VPS13B: variants seen among roughly 807,000 people sequenced by gnomAD.
VPS13B encodes the protein vacuolar protein sorting 13 homolog B.
VPS13B carries 285 observed loss-of-function variants against 426.4 expected under a neutral mutation model. That is an observed-to-expected ratio of 0.67 (90% CI 0.61 to 0.74). The LOEUF (loss-of-function observed/expected upper bound fraction) is 0.74. Ranked by LOEUF, VPS13B falls within the 30% of genes least tolerant of loss-of-function variation. The pLI is 0.00. For synonymous variants in VPS13B, 1,676 were observed against 1,676.4 expected, an observed-to-expected ratio of 1.00 and a Z score of 0.01; for missense variants, 4,537 against 4,782.6, an observed-to-expected ratio of 0.95 and a Z score of 1.51.
intron 22 of VPS13B, among the ~76,000 whole-genome samples, chr8:99,432,583 C>G (rs1331215382): frequency 6.6e-6 from 1 of 152,124 alleles, no homozygotes; most frequent in Non-Finnish European, 1.5e-5. Flanking sequence ...TAGCTAAGTA[C>G]CTAGTAGTCA....
At chr8:99,313,423 T>C (rs909545767) in intron 19 of VPS13B, among the ~76,000 whole-genome samples, 1 of 152,210 alleles carries the variant, frequency 6.6e-6, no homozygotes, top group Non-Finnish European at 1.5e-5. Flanking sequence ...TGGAGTTTTC[T>C]GGAGGTCCAC....
rs1459766095 is a variant in VPS13B, at chr8:99,820,269, A to C, written c.8994+147A>C. ...TGTAAGAGGTATGGAATGTTCTTTG[A>C]TATTCAAGGACTTTTCTGATGTCTT... On this transcript the variant is annotated intron_variant, in intron 49 of 61. Coordinates refer to ENST00000357162, the MANE Select transcript of VPS13B (RefSeq NM_152564.5). The C allele has an allele frequency of 4.0e-6, 3 of 750,328 alleles. No individual in the cohort carries two copies. In the African/African-American group the frequency reaches 5.3e-5, roughly 13 times the overall value. The allele number at this position is 750,328 out of a possible 1,614,324, so 46.5% of individuals were successfully genotyped here.
chr8:99,243,450 C>T (rs1303056210), intron 17 of VPS13B, among the ~76,000 whole-genome samples: 1 of 151,362 alleles, frequency 6.6e-6, no homozygotes, highest in African/African-American at 2.4e-5. Context: ...GGGTGTGGAG[C>T]ATGTAGTAGG....
chr8:99,064,186 G>C (rs1844348631), intron 3 of VPS13B, among the ~76,000 whole-genome samples: 2 of 152,282 alleles, frequency 1.3e-5, no homozygotes, highest in South Asian at 2.1e-4. Flanking sequence ...CTAAAAACCA[G>C]AGTGCCTCTT....
chr8:99,831,949 A>AAC (rs1172929953), intron 51 of VPS13B, among the ~76,000 whole-genome samples: 2 of 152,188 alleles, frequency 1.3e-5, no homozygotes, highest in Non-Finnish European at 2.9e-5. Context: ...ACATAGTTAT[A>AAC]GATGGTGTCT....
intron 33 of VPS13B, among the ~76,000 whole-genome samples, chr8:99,600,402 C>T (rs1588536733): frequency 6.6e-6 from 1 of 151,992 alleles, no homozygotes; most frequent in African/African-American, 2.4e-5. Flanking sequence ...GTGACCTAAC[C>T]GGTATGGATG....
chr8:99,426,147 G>A (rs1816694070), intron 21 of VPS13B, among the ~76,000 whole-genome samples: 1 of 148,236 alleles, frequency 6.7e-6, no homozygotes, highest in Admixed American at 6.8e-5. Flanking sequence ...CCACCTATGA[G>A]TGAGAATATC....
chr8:99,530,902 C>G (rs1034584526), intron 30 of VPS13B, among the ~76,000 whole-genome samples: 1 of 152,172 alleles, frequency 6.6e-6, no homozygotes, highest in Non-Finnish European at 1.5e-5. Context: ...ACCACTACAT[C>G]TCGCTGCCTG....
At chr8:99,247,693 AAGGCTGG>A (rs1817295644) in intron 17 of VPS13B, among the ~76,000 whole-genome samples, 1 of 152,220 alleles carries the variant, frequency 6.6e-6, no homozygotes, top group Non-Finnish European at 1.5e-5. Context: ...AATTTTGTTC[AAGGCTGG>A]TGTCTTAGCA....
At chr8:99,196,639 A>C (rs753745569) in intron 17 of VPS13B, among the ~76,000 whole-genome samples, 5 of 151,918 alleles carry the variant, frequency 3.3e-5, no homozygotes, top group Admixed American at 6.6e-5. Context: ...GGGTTTCACC[A>C]TGTTGGTCAG....
At chr8:99,317,241 GT>G (rs1174327230) in intron 19 of VPS13B, among the ~76,000 whole-genome samples, 1 of 151,690 alleles carries the variant, frequency 6.6e-6, no homozygotes, top group African/African-American at 2.4e-5. Flanking sequence ...TTTAGATAAA[GT>G]TTTTTTTTAA....
intron 33 of VPS13B, among the ~76,000 whole-genome samples, chr8:99,605,047 TTCTAAG>T (rs1827508102): frequency 6.6e-6 from 1 of 152,246 alleles, no homozygotes; most frequent in African/African-American, 2.4e-5. Context: ...TGCCAGGCAT[TTCTAAG>T]TCTTTCAGAG....
chr8:99,654,461 A>G (rs1829947352), intron 34 of VPS13B, among the ~76,000 whole-genome samples: 1 of 152,244 alleles, frequency 6.6e-6, no homozygotes, highest in African/African-American at 2.4e-5. Flanking sequence ...AAGAAAAAGA[A>G]CAAATTAGCC....
At chr8:99,321,023 A>C (rs969965591) in intron 19 of VPS13B, among the ~76,000 whole-genome samples, 5 of 152,176 alleles carry the variant, frequency 3.3e-5, no homozygotes, top group Non-Finnish European at 7.4e-5. Context: ...CTTTTTAAAT[A>C]TTCAGTCACT....
chr8:99,514,896 C>T (rs142089426), intron 29 of VPS13B, among the ~76,000 whole-genome samples: 18 of 152,222 alleles, frequency 1.2e-4, no homozygotes, highest in East Asian at 1.2e-3. Flanking sequence ...GATTAGAGCA[C>T]GATTTGTGGT....
intron 19 of VPS13B, among the ~76,000 whole-genome samples, chr8:99,294,919 T>G (rs1819947240): frequency 6.6e-6 from 1 of 152,200 alleles, no homozygotes; most frequent in Non-Finnish European, 1.5e-5. Flanking sequence ...GATGGCATCA[T>G]GTGGCTGGTG....
At chr8:99,717,591 G>A (rs938226162) in intron 37 of VPS13B, among the ~76,000 whole-genome samples, 4 of 152,038 alleles carry the variant, frequency 2.6e-5, no homozygotes, top group African/African-American at 9.7e-5. Flanking sequence ...AGCATATTCA[G>A]AGTTGCACAA....
chr8:99,270,129 A>ATTTTTTTTTTTTT (rs1370378172), intron 17 of VPS13B, among the ~76,000 whole-genome samples: 4 of 16,826 alleles, frequency 2.4e-4, no homozygotes, highest in East Asian at 2.4e-3. Flanking sequence ...AGATATAAGA[A>ATTTTTTTTTTTTT]TCTTTTTTTT....
At chr8:99,504,390 AC>A (rs1821391782) in intron 27 of VPS13B, among the ~76,000 whole-genome samples, 1 of 152,202 alleles carries the variant, frequency 6.6e-6, no homozygotes, top group African/African-American at 2.4e-5. Flanking sequence ...AAATGGACTA[AC>A]ACACTGTAGC....
Sources: allele counts gnomAD v4.1 joint callset (sites outside exome capture counted in the v4.1 genomes callset), GRCh38; gene constraint gnomAD v4.1.1; transcripts MANE v1.5; gene names NCBI Gene and HGNC (gene_info 2026-07-23, HGNC 2026-07-21).